TNRC18: variants seen among roughly 807,000 people sequenced by gnomAD.
TNRC18 encodes the protein trinucleotide repeat containing 18, also known as trinucleotide repeat-containing gene 18 protein.
Under a neutral mutation model 226.7 loss-of-function variants are expected in TNRC18, and 69 were observed. The observed-to-expected ratio is 0.30, with a 90% CI of 0.25 to 0.37. The LOEUF (loss-of-function observed/expected upper bound fraction) is 0.37. Ranked by LOEUF, TNRC18 falls within the 10% of genes least tolerant of loss-of-function variation. The probability of loss-of-function intolerance (pLI) is 1.00; values close to 1 mark genes in which losing one functional copy is unlikely to be tolerated. For missense variants in TNRC18, 4,754 were observed against 4,256.6 expected, an observed-to-expected ratio of 1.12 and a Z score of -3.25; for synonymous variants, 2,449 against 1,927.6, an observed-to-expected ratio of 1.27 and a Z score of -7.09.
At position 5,356,833 on chromosome 7, in the gene TNRC18, G is replaced by T. The variant is rs539870992; in HGVS notation, c.5194+83C>A. On this transcript the variant is annotated intron_variant, in intron 16 of 29. Coordinates refer to ENST00000430969, the MANE Select transcript of TNRC18 (RefSeq NM_001080495.3). Reference sequence around the variant, plus strand: ...GAGCGAGAGAGAGAGTGAGGGGCGGGGGGGGAAGGAGGACGGTGGAGAGAA... The same window carrying T: ...GAGCGAGAGAGAGAGTGAGGGGCGGTGGGGGAAGGAGGACGGTGGAGAGAA... 4,747 of 1,437,896 alleles carry T rather than the reference G, an allele frequency of 3.3e-3. 26 individuals carry two copies. The highest frequency in any genetic ancestry group is 3.9e-3 in the Non-Finnish European group (4,237 of 1,087,636). The allele number at this position is 1,437,896 out of a possible 1,614,324, so 89.1% of individuals were successfully genotyped here.
At chr7:5,334,365 C>T (rs1032164405) in intron 18 of TNRC18, among the ~76,000 whole-genome samples, 34 of 151,812 alleles carry the variant, frequency 2.2e-4, no homozygotes, top group Middle Eastern at 3.4e-3. Context: ...GGCGTGATCT[C>T]GGCTCACTGC....
In TNRC18 at chr7:5,313,306, G is replaced by C; in HGVS notation, c.7585C>G (p.Pro2529Ala). 1.9e-6 allele frequency: 3 copies of C among 1,548,868 alleles called. No individual in the cohort carries two copies. The East Asian group carries it at 7.3e-5, about 38-fold the overall frequency. Residue 2529 changes from proline to alanine, a missense_variant, in exon 27 of 30, where the codon CCC becomes GCC. Transcript: ENST00000430969. ...KATDGDLAQE[P>A]GPGLTFEDSG... ...TCCTCGAACGTGAGCCCCGGCCCGG[G>C]CTCCTGGGCGAGGTCCCCGTCGGTG...
At chr7:5,374,756 C>G (rs1562572596) in intron 9 of TNRC18, among the ~76,000 whole-genome samples, 1 of 152,224 alleles carries the variant, frequency 6.6e-6, no homozygotes, top group African/African-American at 2.4e-5. Context: ...GATGGGGGAC[C>G]TCCACCAGGA....
chr7:5,377,879 C>T lies in TNRC18; in HGVS notation c.2255+43G>A, dbSNP rs757611447. ...CAGCTGCCCCTCACCCCCAGGGGCT[C>T]CTAGATACCCCCTAGACCCTCAGGA... On this transcript the variant is annotated intron_variant, in intron 6 of 29. Transcript: ENST00000430969. This position sits in a 1 kb window ranked among gnomAD's most constrained non-coding sequence, Gnocchi z 5.8. The T allele has an allele frequency of 1.3e-6, 2 of 1,584,328 alleles. No individual in the cohort carries two copies. The highest frequency in any genetic ancestry group is 1.7e-6 in the Non-Finnish European group (2 of 1,154,412).
chr7:5,327,570 C>CAG (rs1308422740), intron 19 of TNRC18, among the ~76,000 whole-genome samples: 1 of 151,978 alleles, frequency 6.6e-6, no homozygotes, highest in Non-Finnish European at 1.5e-5. Flanking sequence ...GGTACATGTC[C>CAG]CTGCAGCTGT....
intron 2 of TNRC18, among the ~76,000 whole-genome samples, chr7:5,415,520 G>A (rs1257459020): frequency 1.3e-5 from 2 of 151,592 alleles, no homozygotes; most frequent in Non-Finnish European, 2.9e-5. Flanking sequence ...TGGGATTACA[G>A]GCACCCGCCA....
In TNRC18 at chr7:5,309,604, C is replaced by T. The variant is rs1256858361; in HGVS notation, c.8389-236G>A. 6.6e-6 allele frequency among the ~76,000 whole-genome samples: 1 copy of T among 152,266 alleles called. No homozygotes were observed. Among genetic ancestry groups the T allele is most frequent in the African/African-American group, 2.4e-5 (1 of 41,478 alleles). On this transcript the variant is annotated intron_variant, in intron 27 of 29. Coordinates refer to ENST00000430969, the MANE Select transcript of TNRC18 (RefSeq NM_001080495.3). This position sits in a 1 kb window ranked among gnomAD's most constrained non-coding sequence, Gnocchi z 5.7. Reference sequence around the variant, plus strand: ...CCTTGATCTAAGCATTCTGCCGCTACAAGACTTCTTATTTTTGAGACAGGG... The same window carrying T: ...CCTTGATCTAAGCATTCTGCCGCTATAAGACTTCTTATTTTTGAGACAGGG...
Position 5,370,731 on chromosome 7 carries a change from T to C in TNRC18, c.3863A>G (p.Gln1288Arg), listed in dbSNP as rs1477882477. The change falls in exon 11 of 30, where the codon CAG becomes CGG. Residue 1288 changes from glutamine (Q) to arginine (R), a missense_variant. Coordinates refer to ENST00000430969, the MANE Select transcript of TNRC18 (RefSeq NM_001080495.3). ...GLAQVAPSES[Q>R]PTLEMSDCDV... ...ACAGTCTGACATTTCTAGGGTGGGCTGGGACTCGCTCGGTGCCACCTGCGC... is the reference window on the plus strand; with the variant it reads ...ACAGTCTGACATTTCTAGGGTGGGCCGGGACTCGCTCGGTGCCACCTGCGC... 2 of 1,606,812 alleles carry C rather than the reference T, an allele frequency of 1.2e-6. No homozygotes were observed. The highest frequency in any genetic ancestry group is 1.7e-6 in the Non-Finnish European group (2 of 1,177,306).
chr7:5,348,691 G>A (rs1408542357), intron 17 of TNRC18, among the ~76,000 whole-genome samples: 1 of 152,052 alleles, frequency 6.6e-6, no homozygotes, highest in Non-Finnish European at 1.5e-5. Context: ...GAGGGAGAGG[G>A]AGGAGGTTTG....
chr7:5,309,012 C>T lies in TNRC18; in HGVS notation c.8626-63G>A, dbSNP rs2128099573. 14 of 1,547,822 alleles carry T rather than the reference C, an allele frequency of 9.0e-6. No homozygotes were observed. The South Asian group carries it at 1.2e-4, about 13-fold the overall frequency. On this transcript the variant is annotated intron_variant, in intron 28 of 29. Transcript: ENST00000430969. The surrounding 1 kb of genome is among the most constrained non-coding windows in gnomAD (Gnocchi z 5.7). ...GGGGCTGCTGCACCCGACCCCAGGCCCCAGGACAGGGCTGACCCACTGGGC... is the reference window on the plus strand; with the variant it reads ...GGGGCTGCTGCACCCGACCCCAGGCTCCAGGACAGGGCTGACCCACTGGGC...
chr7:5,324,186 C>T lies in TNRC18; in HGVS notation c.6442+28G>A, dbSNP rs1418765431. 6.4e-6 allele frequency: 10 copies of T among 1,571,978 alleles called. No homozygotes were observed. Among genetic ancestry groups the T allele is most frequent in the African/African-American group, 1.4e-5 (1 of 73,996 alleles). ...CAAGGGAGGCTCCAGCAGCCCCGCC[C>T]GGCACATGTGGCATCACGGCCACTC... On this transcript the variant is annotated intron_variant, in intron 21 of 29. Transcript: ENST00000430969. The surrounding 1 kb of genome is among the most constrained non-coding windows in gnomAD (Gnocchi z 4.8).
intron 21 of TNRC18, among the ~76,000 whole-genome samples, chr7:5,321,885 T>C (rs1012418341): frequency 1.3e-5 from 2 of 151,902 alleles, no homozygotes; most frequent in African/African-American, 4.8e-5. Context: ...TTGGCCAGGC[T>C]GATCCCGAGC....
Position 5,370,468 on chromosome 7 carries a change from T to C in TNRC18, c.4126A>G (p.Ser1376Gly). 2 of 1,578,722 alleles carry C rather than the reference T, an allele frequency of 1.3e-6. No individual in the cohort carries two copies. The highest frequency in any genetic ancestry group is 1.7e-6 in the Non-Finnish European group (2 of 1,162,102). Residue 1376 changes from serine to glycine, a missense_variant, in exon 11 of 30, where the codon AGC (serine) becomes GGC (glycine). Ser to Gly is a moderately conservative substitution (Grantham distance 56, BLOSUM62 0). Coordinates refer to ENST00000430969, the MANE Select transcript of TNRC18 (RefSeq NM_001080495.3). Reference sequence around the variant, plus strand: ...AGGAAGCTCTGCTCCAAGACAAGGCTCTCGGCTGCTTCCAGCTTCTCCAAG... The same window carrying C: ...AGGAAGCTCTGCTCCAAGACAAGGCCCTCGGCTGCTTCCAGCTTCTCCAAG... ...QALEKLEAAE[S>G]LVLEQSFLHG...
chr7:5,328,218 C>CA (rs1462114807), intron 19 of TNRC18, among the ~76,000 whole-genome samples: 10 of 149,672 alleles, frequency 6.7e-5, no homozygotes, highest in South Asian at 2.1e-4. Context: ...GACTCTGTCG[C>CA]AAAAAACAAA....
intron 24 of TNRC18, chr7:5,320,043 A>G (rs747192243): frequency 2.6e-6 from 1 of 391,514 alleles, no homozygotes; most frequent in Non-Finnish European, 4.8e-6. Flanking sequence ...TCCTCCAATG[A>G]TAAGAGTTCT....
At chr7:5,316,688 A>C (rs749199354) in intron 24 of TNRC18, among the ~76,000 whole-genome samples, 5 of 152,178 alleles carry the variant, frequency 3.3e-5, no homozygotes, top group Non-Finnish European at 7.4e-5. Context: ...GGAGGGACGC[A>C]GGTGTCAACC....
In TNRC18 at chr7:5,362,721, T is replaced by C. The variant is rs769614467; in HGVS notation, c.4324A>G (p.Lys1442Glu). The C allele has an allele frequency of 6.3e-7, 1 of 1,579,190 alleles. No homozygotes were observed. The highest frequency in any genetic ancestry group is 1.2e-5 in the South Asian group (1 of 86,158). Reference protein sequence around the residue: ...VLDGPVVDPLKNLRLPRELKP... With the variant: ...VLDGPVVDPLENLRLPRELKP... ...AGCTCCCGCGGGAGCCGCAGGTTCTTGAGTGGGTCCACCACGGGCCCATCC... is the reference window on the plus strand; with the variant it reads ...AGCTCCCGCGGGAGCCGCAGGTTCTCGAGTGGGTCCACCACGGGCCCATCC... Residue 1442 changes from lysine (K) to glutamate (E), a missense_variant, in exon 12 of 30, where the codon AAG (lysine) becomes GAG (glutamate). By Grantham distance (56) the Lys-to-Glu change is moderately conservative (BLOSUM62 1). Transcript: ENST00000430969.
chr7:5,330,608 G>C (rs539203573), intron 19 of TNRC18, among the ~76,000 whole-genome samples: 10 of 152,130 alleles, frequency 6.6e-5, no homozygotes, highest in Admixed American at 4.6e-4. Flanking sequence ...ACACAGTCCT[G>C]CATGGTAAGT....
chr7:5,326,868 T>C (rs1337271879), intron 19 of TNRC18, among the ~76,000 whole-genome samples: 1 of 149,660 alleles, frequency 6.7e-6, no homozygotes, highest in Admixed American at 6.7e-5. Flanking sequence ...CTCCTGCCTG[T>C]AATCCCAGCA....
Sources: gnomAD v4.1 joint callset for allele counts (sites outside exome capture counted in the v4.1 genomes callset) on GRCh38, gnomAD v4.1.1 for gene constraint, Gnocchi (gnomAD v3.1) non-coding constraint, MANE v1.5 for transcripts, NCBI Gene and HGNC (gene_info 2026-07-23, HGNC 2026-07-21) for gene names.